PRKAG2: variants seen among roughly 807,000 people sequenced by gnomAD.
The protein encoded by PRKAG2 is 5'-AMP-activated protein kinase subunit gamma-2.
A neutral mutation model predicts 69.6 loss-of-function variants in PRKAG2; 26 were observed. The ratio of observed to expected loss-of-function variants is 0.37; its 90% CI spans 0.27 to 0.52. The LOEUF (loss-of-function observed/expected upper bound fraction) is 0.52, where lower values mean the gene tolerates loss of function less well. Ranked by LOEUF, PRKAG2 falls within the 20% of genes least tolerant of loss-of-function variation. The probability of loss-of-function intolerance (pLI) is 0.90; values close to 1 mark genes in which losing one functional copy is unlikely to be tolerated. For missense variants in PRKAG2, 557 were observed against 740.0 expected (o/e 0.75, Z 2.87); for synonymous variants, 293 against 285.0 (o/e 1.03, Z -0.28).
intron 5 of PRKAG2, among the ~76,000 whole-genome samples, chr7:151,610,482 T>C (rs1818524811): frequency 6.6e-6 from 1 of 151,970 alleles, no homozygotes; most frequent in South Asian, 2.1e-4. Context: ...ATTGAGACCA[T>C]CCTGACCAAC....
chr7:151,671,994 T>A (rs1832111078), intron 4 of PRKAG2, among the ~76,000 whole-genome samples: 1 of 152,056 alleles, frequency 6.6e-6, no homozygotes, highest in Non-Finnish European at 1.5e-5. Flanking sequence ...TTTATGGTGA[T>A]AAATATACAT....
intron 1 of PRKAG2, among the ~76,000 whole-genome samples, chr7:151,861,255 G>T (rs2079914107): frequency 6.6e-6 from 1 of 152,166 alleles, no homozygotes; most frequent in African/African-American, 2.4e-5. Flanking sequence ...TGCAGGACGG[G>T]CATGGTAGCT....
intron 4 of PRKAG2, among the ~76,000 whole-genome samples, chr7:151,659,082 C>T (rs929997715): frequency 5.9e-5 from 9 of 152,208 alleles, no homozygotes; most frequent in Admixed American, 5.9e-4. Context: ...TAACTTGCTA[C>T]AGTGCTGTTT....
intron 3 of PRKAG2, among the ~76,000 whole-genome samples, chr7:151,750,471 C>T (rs1466261087): frequency 6.6e-6 from 1 of 152,188 alleles, no homozygotes; most frequent in Non-Finnish European, 1.5e-5. Flanking sequence ...ACTTTCAAAA[C>T]AATCTGCTAA....
chr7:151,777,361 C>A lies in PRKAG2; in HGVS notation c.466+3791G>T, dbSNP rs1345449479. Among the ~76,000 whole-genome samples the A allele has an allele frequency of 6.6e-6, 1 of 152,180 alleles. No individual in the cohort carries two copies. Among genetic ancestry groups the A allele is most frequent in the Non-Finnish European group, 1.5e-5 (1 of 68,006 alleles). ...CTCTGATAGAGGTTGAGTGTTTCTT[C>A]CCCGCTCTCAGGTTGAAATTGGATC... On this transcript the variant is annotated intron_variant, in intron 3 of 15. Coordinates refer to ENST00000287878, the MANE Select transcript of PRKAG2 (RefSeq NM_016203.4). The surrounding 1 kb of genome is among the most constrained non-coding windows in gnomAD (Gnocchi z 4.3).
Position 151,836,743 on chromosome 7 carries a change from C to T in PRKAG2, c.114+39764G>A, listed in dbSNP as rs1284226746. On this transcript the variant is annotated intron_variant, in intron 1 of 15. Coordinates refer to ENST00000287878, the MANE Select transcript of PRKAG2 (RefSeq NM_016203.4). The surrounding 1 kb of genome is among the most constrained non-coding windows in gnomAD (Gnocchi z 4.1). ...TGGGCTGGAGAACTGTGAGGTAGGACCTAGCCCCTCGGGTCCCCTGCCCTC... is the reference window on the plus strand; with the variant it reads ...TGGGCTGGAGAACTGTGAGGTAGGATCTAGCCCCTCGGGTCCCCTGCCCTC... Among the ~76,000 whole-genome samples the T allele has an allele frequency of 6.6e-6, 1 of 152,228 alleles. No homozygotes were observed. Among genetic ancestry groups the T allele is most frequent in the East Asian group, 1.9e-4 (1 of 5,186 alleles).
Position 151,703,909 on chromosome 7 carries a change from CAA to C in PRKAG2, c.467-28274_467-28273del, listed in dbSNP as rs71198728. On this transcript the variant is annotated intron_variant, in intron 3 of 15. Coordinates refer to ENST00000287878, the MANE Select transcript of PRKAG2 (RefSeq NM_016203.4). Reference sequence around the variant, plus strand: ...ACACACACACACACACACACACACACAAATTAGCTAGGCATGGTGGCAGGTGC... The same window carrying C: ...ACACACACACACACACACACACACACATTAGCTAGGCATGGTGGCAGGTGC... Among the ~76,000 whole-genome samples the C allele has an allele frequency of 2.3e-3, 306 of 131,666 alleles. 2 individuals are homozygous for C. The highest frequency in any genetic ancestry group is 7.9e-3 in the African/African-American group (249 of 31,592). 86.4% of individuals were successfully genotyped at this position (131,666 alleles called of 152,430 possible).
chr7:151,661,627 T>G (rs1281938059), intron 4 of PRKAG2, among the ~76,000 whole-genome samples: 1 of 152,228 alleles, frequency 6.6e-6, no homozygotes, highest in Non-Finnish European at 1.5e-5. Flanking sequence ...CTGACATTCT[T>G]ACTCAGGACT....
chr7:151,625,624 G>A (rs939615027), intron 5 of PRKAG2, among the ~76,000 whole-genome samples: 1 of 152,216 alleles, frequency 6.6e-6, no homozygotes, highest in African/African-American at 2.4e-5. Context: ...ACACTGGCCG[G>A]GAGTGAGGGA....
At chr7:151,797,229 C>A (rs942310942) in intron 1 of PRKAG2, among the ~76,000 whole-genome samples, 5 of 13,718 alleles carry the variant, frequency 3.6e-4, no homozygotes, top group African/African-American at 1.7e-3. Flanking sequence ...TTCTTGCCAC[C>A]CCCCCCACCC....
At chr7:151,661,743 G>A (rs1563368407) in intron 4 of PRKAG2, among the ~76,000 whole-genome samples, 1 of 152,220 alleles carries the variant, frequency 6.6e-6, no homozygotes, top group African/African-American at 2.4e-5. Flanking sequence ...GAGGCTGGGC[G>A]GTCATTGATT....
rs190604893 is a variant in PRKAG2, at chr7:151,865,748, A to G, written c.114+10759T>C. On this transcript the variant is annotated intron_variant, in intron 1 of 15. Transcript: ENST00000287878. ...TGAAAGTGGAGAAGAGGCCGGGCGC[A>G]GTGGCTCACGCCTGTAATCCCAGCA... Among the ~76,000 whole-genome samples the G allele has an allele frequency of 1.6e-3, 237 of 152,350 alleles. 1 individual carries two copies. The highest frequency in any genetic ancestry group is 1.2e-3 in the East Asian group (6 of 5,180).
At chr7:151,695,140 CA>C (rs1432625289) in intron 3 of PRKAG2, among the ~76,000 whole-genome samples, 1 of 152,194 alleles carries the variant, frequency 6.6e-6, no homozygotes, top group African/African-American at 2.4e-5. Context: ...AGTGACATAA[CA>C]GGGGGGTTGG....
intron 3 of PRKAG2, among the ~76,000 whole-genome samples, chr7:151,684,221 C>T (rs1490775713): frequency 3.3e-5 from 5 of 152,156 alleles, no homozygotes; most frequent in African/African-American, 7.2e-5. Context: ...CAGGCCTGGG[C>T]GGTAATGACT....
intron 3 of PRKAG2, among the ~76,000 whole-genome samples, chr7:151,704,542 C>T (rs955292557): frequency 3.3e-5 from 5 of 152,156 alleles, no homozygotes; most frequent in African/African-American, 7.2e-5. Flanking sequence ...GGCATCTGGG[C>T]GGCGTCTACT....
At chr7:151,762,266 G>A (rs1223199545) in intron 3 of PRKAG2, among the ~76,000 whole-genome samples, 1 of 152,214 alleles carries the variant, frequency 6.6e-6, no homozygotes, top group Non-Finnish European at 1.5e-5. Flanking sequence ...CATCTCCAGG[G>A]TGGGAAATGA....
intron 3 of PRKAG2, among the ~76,000 whole-genome samples, chr7:151,722,163 T>TACCC (rs1218379414): frequency 6.6e-6 from 1 of 152,188 alleles, no homozygotes; most frequent in Non-Finnish European, 1.5e-5. Context: ...CTCTCTCATT[T>TACCC]ACCCCCAGAG....
chr7:151,689,731 G>A (rs1172338465), intron 3 of PRKAG2, among the ~76,000 whole-genome samples: 3 of 152,184 alleles, frequency 2.0e-5, no homozygotes, highest in Non-Finnish European at 4.4e-5. Flanking sequence ...GCTCTCCTGG[G>A]GTTCTGTTGA....
At chr7:151,576,536 T>C in intron 6 of PRKAG2, 84 bp from the exon 7 acceptor site, 1 of 1,252,952 alleles carries the variant, frequency 8.0e-7, no homozygotes, top group Non-Finnish European at 1.1e-6. Flanking sequence ...GGTTTCACTC[T>C]GTTGCCCAGG....
Sources: gnomAD v4.1 joint callset for allele counts (sites outside exome capture counted in the v4.1 genomes callset) on GRCh38, gnomAD v4.1.1 for gene constraint, Gnocchi (gnomAD v3.1) non-coding constraint, MANE v1.5 for transcripts, NCBI Gene and HGNC (gene_info 2026-07-23, HGNC 2026-07-21) for gene names.